The following SPRY4 variants were observed in gnomAD, a reference collection of about 807,000 sequenced individuals.
SPRY4 encodes the protein protein sprouty homolog 4.
SPRY4 carries 7 observed loss-of-function variants against 17.0 expected under a neutral mutation model. The observed-to-expected ratio is 0.41, with a 90% CI of 0.23 to 0.77. The LOEUF is 0.77. SPRY4 is among the 30% of genes least tolerant of loss of function. The pLI, the probability that SPRY4 is intolerant of heterozygous loss-of-function variation, is 0.32. For missense variants in SPRY4, 435 were observed against 419.9 expected (o/e 1.04, Z -0.31); for synonymous variants, 183 against 174.1 (o/e 1.05, Z -0.40).
Position 142,314,286 on chromosome 5 carries a change from A to G in SPRY4, c.823T>C (p.Cys275Arg). The G allele has an allele frequency of 6.2e-7, 1 of 1,613,768 alleles. No individual in the cohort carries two copies. ...CAGATGACGCTGTTCGTGTGCTTGC[A>G]GCGGCAACCAGGGCGGCGCAGACGG... ...YDRLRRPGCR[C>R]KHTNSVICKA... Residue 275 changes from cysteine (C) to arginine (R), a missense_variant, in exon 2 of 2, where the codon TGC (cysteine) becomes CGC (arginine). Cys to Arg is a radical substitution (Grantham distance 180). Transcript: ENST00000434127. The surrounding 1 kb of genome is among the most constrained non-coding windows in gnomAD (Gnocchi z 4.8).
At chr5:142,317,048 T>C in intron 1 of SPRY4, 1 of 985,496 alleles carries the variant, frequency 1.0e-6, no homozygotes, top group Non-Finnish European at 1.2e-6. Flanking sequence ...GATTTCCTTG[T>C]GGCAGAGTTT....
In SPRY4 at chr5:142,314,545, G is replaced by A; in HGVS notation, c.564C>T (p.Cys188=). The stretch of plus-strand genomic sequence containing the variant: ...CATAGTTGACCAGAGTCTGGGCTGA[G>A]CACAGGCACTCCTGGTTGCAGACCC... ...SCWVCNQECL[C]SAQTLVNYGT... The change falls in exon 2 of 2, where the codon TGC becomes TGT. Residue 188 remains cysteine (C), a synonymous_variant. Coordinates refer to ENST00000434127, the MANE Select transcript of SPRY4 (RefSeq NM_001127496.3). The surrounding 1 kb of genome is among the most constrained non-coding windows in gnomAD (Gnocchi z 4.8). 2.5e-6 allele frequency: 4 copies of A among 1,614,254 alleles called. No individual in the cohort carries two copies. Among genetic ancestry groups the A allele is most frequent in the Non-Finnish European group, 2.5e-6 (3 of 1,180,048 alleles).
intron 1 of SPRY4, among the ~76,000 whole-genome samples, chr5:142,323,363 A>T (rs535919072): frequency 6.6e-6 from 1 of 152,234 alleles, no homozygotes; most frequent in South Asian, 2.1e-4. Flanking sequence ...GGAGAGAATC[A>T]CGCCACTGAT....
chr5:142,323,218 TA>T (rs1366232344), intron 1 of SPRY4, among the ~76,000 whole-genome samples: 3 of 152,230 alleles, frequency 2.0e-5, no homozygotes, highest in Admixed American at 1.3e-4. Flanking sequence ...CTGAGCCTTA[TA>T]CCTTCCAGCT....
chr5:142,319,694 C>A, intron 1 of SPRY4: 1 of 1,593,046 alleles, frequency 6.3e-7, no homozygotes, highest in Non-Finnish European at 8.5e-7. Context: ...TGCTGCTTGG[C>A]GGGTCTGGGA....
intron 1 of SPRY4, among the ~76,000 whole-genome samples, chr5:142,322,231 G>A (rs766096506): frequency 1.3e-5 from 2 of 152,094 alleles, no homozygotes; most frequent in African/African-American, 4.8e-5. Flanking sequence ...GTAATCCCAG[G>A]GGAGGCAGAG....
chr5:142,317,779 G>A (rs1232676234), intron 1 of SPRY4: 15 of 985,220 alleles, frequency 1.5e-5, no homozygotes, highest in Non-Finnish European at 1.7e-5. Context: ...GCCAGGATGG[G>A]AGCAGCCGCT....
intron 1 of SPRY4, among the ~76,000 whole-genome samples, chr5:142,318,766 C>T (rs1008350721): frequency 1.3e-5 from 2 of 152,120 alleles, no homozygotes; most frequent in Non-Finnish European, 2.9e-5. Context: ...TCCACTTAGC[C>T]AAAGAAGCAC....
intron 1 of SPRY4, chr5:142,319,807 A>C (rs1172340060): frequency 1.2e-6 from 2 of 1,606,866 alleles, no homozygotes; most frequent in South Asian, 2.2e-5. Context: ...GAAAAGAATC[A>C]AGAGGCATGT....
chr5:142,314,885 G>A lies in SPRY4; in HGVS notation c.224C>T (p.Ala75Val). 1 of 1,602,328 alleles carries A rather than the reference G, an allele frequency of 6.2e-7. No individual in the cohort carries two copies. Among genetic ancestry groups the A allele is most frequent in the South Asian group, 1.1e-5 (1 of 90,114 alleles). Residue 75 changes from alanine to valine, a missense_variant, in exon 2 of 2, where the codon GCC becomes GTC. Physicochemically the swap from Ala to Val is moderately conservative, Grantham distance 64. Transcript: ENST00000434127. The surrounding 1 kb of genome is among the most constrained non-coding windows in gnomAD (Gnocchi z 4.8). ...CTGGTCACAGCGGGCGGGCGTCGGG[G>A]CCAGCTCTGGGGCCCCGCCCCGGGT... ...KRTRGGAPEL[A>V]PTPARCDQDV...
chr5:142,315,157 T>TG lies in SPRY4; in HGVS notation c.-47-3dup. The TG allele has an allele frequency of 1.4e-6, 2 of 1,422,544 alleles. No homozygotes were observed. Among genetic ancestry groups the TG allele is most frequent in the Non-Finnish European group, 1.9e-6 (2 of 1,053,450 alleles). The allele number at this position is 1,422,544 out of a possible 1,614,324, so 88.1% of individuals were successfully genotyped here. On this transcript the variant is annotated splice_polypyrimidine_tract_variant and splice_region_variant and intron_variant, in intron 1 of 1. Coordinates refer to ENST00000434127, the MANE Select transcript of SPRY4 (RefSeq NM_001127496.3). ...CGGAGAAACAGGCTTCTAGGGGCCC[T>TG]GGGGGTGGGGTGGGGAAAAGGAAGA...
At chr5:142,322,194 T>A (rs1331036225) in intron 1 of SPRY4, among the ~76,000 whole-genome samples, 2 of 152,084 alleles carry the variant, frequency 1.3e-5, no homozygotes, top group Non-Finnish European at 2.9e-5. Context: ...AAATGACATA[T>A]GAGGCCGGGC....
intron 1 of SPRY4, chr5:142,317,897 C>A: frequency 1.0e-6 from 1 of 985,336 alleles, no homozygotes. Flanking sequence ...GAGCTTGGCC[C>A]ACGATGACTT....
intron 1 of SPRY4, among the ~76,000 whole-genome samples, chr5:142,321,007 C>T (rs1759328265): frequency 6.6e-6 from 1 of 152,224 alleles, no homozygotes; most frequent in South Asian, 2.1e-4. Context: ...CTGACTGGGG[C>T]CTGTCCTTGG....
At chr5:142,316,806 A>G (rs967747107) in intron 1 of SPRY4, among the ~76,000 whole-genome samples, 1 of 152,232 alleles carries the variant, frequency 6.6e-6, no homozygotes, top group Non-Finnish European at 1.5e-5. Context: ...ACACTGCTAA[A>G]TCCAAAAAGC....
chr5:142,311,929 G>T lies in SPRY4; in HGVS notation c.*2280C>A, dbSNP rs1253625004. 7.2e-5 allele frequency: 3 copies of T among 41,800 alleles called. No individual in the cohort carries two copies. 2.6% of individuals were successfully genotyped at this position (41,800 alleles called of 1,614,324 possible). A position where few individuals can be genotyped will look rare whatever the true frequency, so the allele number is the denominator to read the frequency against. ...CTTTGTCGGTAGACAGTCAGTGTGG[G>T]GTAGGGGTGTGTGTGTGTGTGTGTG... is the stretch of plus-strand genomic sequence containing the variant. On this transcript the variant is annotated 3_prime_UTR_variant, in exon 2 of 2. Transcript: ENST00000434127.
chr5:142,324,082 G>A (rs952766826), intron 1 of SPRY4: 3 of 152,424 alleles, frequency 2.0e-5, no homozygotes, highest in Non-Finnish European at 2.9e-5. Context: ...GGCACAGCTC[G>A]GTGCCCGAGG....
At chr5:142,324,023 C>A (rs1315078214) in intron 1 of SPRY4, 1 of 152,558 alleles carries the variant, frequency 6.6e-6, no homozygotes, top group Non-Finnish European at 1.5e-5. Context: ...TGTAAACGCA[C>A]CTTCAACCCC....
intron 1 of SPRY4, among the ~76,000 whole-genome samples, chr5:142,322,190 CAT>C (rs1447572213): frequency 1.3e-5 from 2 of 152,154 alleles, no homozygotes; most frequent in Non-Finnish European, 2.9e-5. Flanking sequence ...ATAAAAATGA[CAT>C]ATGAGGCCGG....
Sources: allele counts gnomAD v4.1 joint callset (sites outside exome capture counted in the v4.1 genomes callset), GRCh38; gene constraint gnomAD v4.1.1; non-coding constraint Gnocchi (gnomAD v3.1); transcripts MANE v1.5; gene names NCBI Gene and HGNC (gene_info 2026-07-23, HGNC 2026-07-21).